PRAC2: variants seen among roughly 807,000 people sequenced by gnomAD.
PRAC2 encodes protein PRAC2.
For missense variants in PRAC2, 92 were observed against 114.5 expected, an observed-to-expected ratio of 0.80 and a Z score of 0.90; for synonymous variants, 43 against 49.5, an observed-to-expected ratio of 0.87 and a Z score of 0.55.
chr17:48,718,895 G>C (rs2038119422), upstream of PRAC2, among the ~76,000 whole-genome samples: 1 of 152,174 alleles, frequency 6.6e-6, no homozygotes, highest in African/African-American at 2.4e-5. Flanking sequence ...CCGATTTGTC[G>C]GCGGGGACCT....
upstream of PRAC2, among the ~76,000 whole-genome samples, chr17:48,719,205 G>GCACA (rs1411550825): frequency 8.5e-6 from 1 of 117,658 alleles, no homozygotes; most frequent in African/African-American, 3.8e-5. Flanking sequence ...GCACGCGCTC[G>GCACA]CACACAAACA....
At position 48,724,353 on chromosome 17, in the gene PRAC2, A is replaced by T. The variant is rs1235918016; in HGVS notation, c.-58A>T. 20 of 1,234,096 alleles carry T rather than the reference A, an allele frequency of 1.6e-5. No individual in the cohort carries two copies. In the East Asian group the frequency reaches 5.0e-4, roughly 31 times the overall value. The allele number at this position is 1,234,096 out of a possible 1,614,324, so 76.4% of individuals were successfully genotyped here. A position where few individuals can be genotyped will look rare whatever the true frequency, so the allele number is the denominator to read the frequency against. Reference sequence around the variant, plus strand: ...GTTCCATACAAGTAAATCCGAAAAAAAGTGTGTGTGGGGGGGTCCACACCA... The same window carrying T: ...GTTCCATACAAGTAAATCCGAAAAATAGTGTGTGTGGGGGGGTCCACACCA... On this transcript the variant is annotated 5_prime_UTR_variant, in exon 2 of 2. Transcript: ENST00000422730.
upstream of PRAC2, among the ~76,000 whole-genome samples, chr17:48,718,921 C>T (rs1444759353): frequency 6.6e-6 from 1 of 152,168 alleles, no homozygotes; most frequent in Admixed American, 6.5e-5. Flanking sequence ...CCTGCGGTGT[C>T]TCTGGCCCCA....
upstream of PRAC2, among the ~76,000 whole-genome samples, chr17:48,722,722 T>A (rs887748538): frequency 6.6e-6 from 1 of 152,058 alleles, no homozygotes; most frequent in Non-Finnish European, 1.5e-5. Context: ...CCTCCCCTGA[T>A]TGGCTTCCTC....
upstream of PRAC2, chr17:48,722,459 C>A: frequency 7.1e-7 from 1 of 1,418,196 alleles, no homozygotes; most frequent in Non-Finnish European, 1.0e-6. Context: ...AAGCATCGGC[C>A]TAAAGGTTTC....
chr17:48,723,535 T>TG (rs994349026), intron 1 of PRAC2, among the ~76,000 whole-genome samples: 14 of 151,812 alleles, frequency 9.2e-5, no homozygotes, highest in Non-Finnish European at 4.4e-5. Flanking sequence ...TCCCGAGAAC[T>TG]GGGGGGCCTG....
At chr17:48,722,060 A>G (rs1421950494), upstream of PRAC2, among the ~76,000 whole-genome samples, 1 of 152,190 alleles carries the variant, frequency 6.6e-6, no homozygotes, top group African/African-American at 2.4e-5. Context: ...TCCCCCGCCT[A>G]GGTCCTGCAG....
At chr17:48,723,692 T>A (rs901097412) in intron 1 of PRAC2, 1 of 1,231,532 alleles carries the variant, frequency 8.1e-7, no homozygotes, top group Non-Finnish European at 1.0e-6. Context: ...CCAGCCGGAG[T>A]AAAACCCGAA....
chr17:48,723,922 C>T (rs944069110), intron 1 of PRAC2: 1 of 591,260 alleles, frequency 1.7e-6, no homozygotes, highest in Non-Finnish European at 2.5e-6. Flanking sequence ...GAGAGATTCG[C>T]TGCGGGAGTT....
intron 1 of PRAC2, 110 bp downstream of exon 1, chr17:48,723,423 G>C (rs984477678): frequency 3.0e-6 from 1 of 333,650 alleles, no homozygotes; most frequent in Non-Finnish European, 5.4e-6. Context: ...CCCAATTAGA[G>C]TGCAGCACTT....
upstream of PRAC2, among the ~76,000 whole-genome samples, chr17:48,719,113 T>A (rs1375323512): frequency 1.3e-5 from 2 of 152,056 alleles, no homozygotes; most frequent in Non-Finnish European, 2.9e-5. Context: ...TTCGACTGGA[T>A]GTTACCGAGC....
upstream of PRAC2, chr17:48,721,987 G>A (rs2038149678): frequency 1.5e-6 from 2 of 1,340,570 alleles, no homozygotes; most frequent in Non-Finnish European, 2.0e-6. Context: ...CATCCCATTG[G>A]AGACAAACAT....
At chr17:48,723,137 G>C (rs1028585471), upstream of PRAC2, 1 of 152,320 alleles carries the variant, frequency 6.6e-6, no homozygotes, top group Non-Finnish European at 1.5e-5. Context: ...TGCCTGGGGG[G>C]AGGGGCGGGG....
At chr17:48,724,300 A>G in intron 1 of PRAC2, 28 bp from the exon 2 acceptor site, 1 of 1,197,692 alleles carries the variant, frequency 8.3e-7, no homozygotes, top group Middle Eastern at 2.1e-4. Context: ...CGTTTAATAC[A>G]AAACGAAATT....
rs928626903 is a variant in PRAC2 at position 48,723,589 on chromosome 17, C to T, written c.-84+276C>T. On this transcript the variant is annotated intron_variant, in intron 1 of 1. Coordinates refer to ENST00000422730, the MANE Select transcript of PRAC2 (RefSeq NM_001282275.2). ...TTCGAGGGCTTTCCAGCTTCCGGCC[C>T]GGGAACTACTATTTGGAGTAGGGAT... 4.7e-5 allele frequency: 33 copies of T among 699,428 alleles called. No individual in the cohort carries two copies. In the African/African-American group the frequency reaches 5.2e-4, roughly 11 times the overall value. 43.3% of individuals were successfully genotyped at this position (699,428 alleles called of 1,614,324 possible). A position where few individuals can be genotyped will look rare whatever the true frequency, so the allele number is the denominator to read the frequency against.
In PRAC2 at chr17:48,724,328, G is replaced by T. The variant is rs556446830; in HGVS notation, c.-83G>T. 4.1e-6 allele frequency: 5 copies of T among 1,231,256 alleles called. No individual in the cohort carries two copies. The African/African-American group carries it at 6.2e-5, about 15-fold the overall frequency. The allele number at this position is 1,231,256 out of a possible 1,614,324, so 76.3% of individuals were successfully genotyped here. On this transcript the variant is annotated splice_region_variant and 5_prime_UTR_variant, in exon 2 of 2. Coordinates refer to ENST00000422730, the MANE Select transcript of PRAC2 (RefSeq NM_001282275.2). Reference sequence around the variant, plus strand: ...ACGAAATTAAATATTTTTTGCACAGGTTCCATACAAGTAAATCCGAAAAAA... The same window carrying T: ...ACGAAATTAAATATTTTTTGCACAGTTTCCATACAAGTAAATCCGAAAAAA...
At chr17:48,720,216 C>T (rs949454698), upstream of PRAC2, among the ~76,000 whole-genome samples, 1 of 152,230 alleles carries the variant, frequency 6.6e-6, no homozygotes, top group African/African-American at 2.4e-5. Flanking sequence ...CGATCAGCCT[C>T]TGAGTGGGCA....
At chr17:48,723,450 C>A (rs1255126316) in intron 1 of PRAC2, 137 bp downstream of exon 1, 6 of 366,830 alleles carry the variant, frequency 1.6e-5, no homozygotes, top group Non-Finnish European at 2.9e-5. Context: ...TTCAATATAA[C>A]TTTAATGAAG....
upstream of PRAC2, among the ~76,000 whole-genome samples, chr17:48,719,011 C>T (rs2143032359): frequency 6.6e-6 from 1 of 152,258 alleles, no homozygotes; most frequent in East Asian, 1.9e-4. Flanking sequence ...GCGGGGGACT[C>T]CCGGCTGGAA....
Sources: gnomAD v4.1 joint callset for allele counts (sites outside exome capture counted in the v4.1 genomes callset) on GRCh38, gnomAD v4.1.1 for gene constraint, MANE v1.5 for transcripts, NCBI Gene and HGNC (gene_info 2026-07-23, HGNC 2026-07-21) for gene names.